RB1CC1: variants seen among roughly 807,000 people sequenced by gnomAD.
The protein encoded by RB1CC1 is RB1-inducible coiled-coil protein 1.
In RB1CC1, 46 loss-of-function variants were observed where a neutral mutation model predicts 177.5. That is an observed-to-expected ratio of 0.26 (90% CI 0.20 to 0.33). RB1CC1 has a LOEUF of 0.33. RB1CC1 is among the 10% of genes least tolerant of loss of function. The probability of loss-of-function intolerance (pLI) is 1.00; values close to 1 mark genes in which losing one functional copy is unlikely to be tolerated. For synonymous variants in RB1CC1, 666 were observed against 613.6 expected, an observed-to-expected ratio of 1.09 and a Z score of -1.26; for missense variants, 1,703 against 1,816.3, an observed-to-expected ratio of 0.94 and a Z score of 1.13.
chr8:52,666,505 C>A (rs546082087), intron 8 of RB1CC1, among the ~76,000 whole-genome samples: 2 of 145,484 alleles, frequency 1.4e-5, no homozygotes, highest in African/African-American at 2.5e-5. Context: ...GCTACAAGAG[C>A]GAAACTTCCT....
intron 13 of RB1CC1, among the ~76,000 whole-genome samples, chr8:52,658,374 C>A (rs995128983): frequency 1.3e-5 from 2 of 151,762 alleles, no homozygotes; most frequent in African/African-American, 4.8e-5. Context: ...GTCAGGAGTT[C>A]GAGACCAGCC....
At chr8:52,662,605 T>A (rs1187764579) in intron 8 of RB1CC1, among the ~76,000 whole-genome samples, 5 of 152,082 alleles carry the variant, frequency 3.3e-5, no homozygotes, top group Admixed American at 1.3e-4. Flanking sequence ...TGTAAATAAA[T>A]CATTATCCTT....
chr8:52,656,157 C>T lies in RB1CC1; in HGVS notation c.3672G>A (p.Glu1224=), dbSNP rs1174230970. The T allele has an allele frequency of 1.9e-6, 3 of 1,613,780 alleles. No individual in the cohort carries two copies. Among genetic ancestry groups the T allele is most frequent in the African/African-American group, 1.3e-5 (1 of 75,028 alleles). ...KDRQKLVSSQ[E]QDREQLIQKL... ...TCTGAATTAACTGTTCTCTGTCTTG[C>T]TCCTGGCTGCTGACCAATTTTTGTC... Residue 1224 remains glutamate (E), a synonymous_variant, in exon 15 of 24, where the codon GAG becomes GAA. Transcript: ENST00000025008.
At chr8:52,647,494 C>T (rs1850160551) in intron 15 of RB1CC1, among the ~76,000 whole-genome samples, 1 of 152,114 alleles carries the variant, frequency 6.6e-6, no homozygotes, top group South Asian at 2.1e-4. Flanking sequence ...TGACATACTA[C>T]ATAAATCAAA....
chr8:52,665,421 A>G (rs1851983119), intron 8 of RB1CC1, among the ~76,000 whole-genome samples: 1 of 152,218 alleles, frequency 6.6e-6, no homozygotes, highest in Admixed American at 6.5e-5. Flanking sequence ...AAATGAACAA[A>G]GACCTTAATC....
At position 52,656,850 on chromosome 8, in the gene RB1CC1, G is replaced by A. The variant is rs745684922; in HGVS notation, c.2979C>T (p.Asp993=). 5.0e-6 allele frequency: 8 copies of A among 1,613,650 alleles called. No homozygotes were observed. Among genetic ancestry groups the A allele is most frequent in the South Asian group, 1.1e-5 (1 of 91,082 alleles). ...LEQSHLKELE[D]TLQVRHIQEF... Reference sequence around the variant, plus strand: ...CTTGTATGTGCCTAACCTGAAGTGTGTCCTCTAATTCCTTTAGATGACTTT... The same window carrying A: ...CTTGTATGTGCCTAACCTGAAGTGTATCCTCTAATTCCTTTAGATGACTTT... Residue 993 remains aspartate, a synonymous_variant, in exon 15 of 24, where the codon GAC becomes GAT. Coordinates refer to ENST00000025008, the MANE Select transcript of RB1CC1 (RefSeq NM_014781.5).
At chr8:52,681,499 A>G (rs1853714696) in intron 5 of RB1CC1, among the ~76,000 whole-genome samples, 1 of 152,212 alleles carries the variant, frequency 6.6e-6, no homozygotes, top group Non-Finnish European at 1.5e-5. Flanking sequence ...CACATCCCGG[A>G]CCATGAAGAA....
At chr8:52,691,839 G>A (rs563823041) in intron 1 of RB1CC1, among the ~76,000 whole-genome samples, 137 of 152,306 alleles carry the variant, frequency 9.0e-4, no homozygotes, top group Non-Finnish European at 1.3e-3. Context: ...GAGGAAATGT[G>A]ACGCTCATTG....
At position 52,649,091 on chromosome 8, in the gene RB1CC1, G is replaced by A. The variant is rs143640783; in HGVS notation, c.3822-3224C>T. Among the ~76,000 whole-genome samples the A allele has an allele frequency of 6.2e-3, 950 of 152,286 alleles. 4 individuals are homozygous for A. Among genetic ancestry groups the A allele is most frequent in the Non-Finnish European group, 0.01 (700 of 68,022 alleles). On this transcript the variant is annotated intron_variant, in intron 15 of 23. Transcript: ENST00000025008. The stretch of plus-strand genomic sequence containing the variant: ...TCATTTAATACTTTCGAACCATGGG[G>A]TAAGTGAAACCATAAGAGCGAAATC...
At chr8:52,659,019 C>A in intron 12 of RB1CC1, 43 bp from the exon 13 acceptor site, 3 of 1,022,556 alleles carry the variant, frequency 2.9e-6, no homozygotes, top group Non-Finnish European at 4.2e-6. Flanking sequence ...TTTTTTCAAC[C>A]AAAAACAGAC....
chr8:52,640,419 GA>G (rs1476468870), intron 18 of RB1CC1, among the ~76,000 whole-genome samples: 1 of 152,100 alleles, frequency 6.6e-6, no homozygotes, highest in Non-Finnish European at 1.5e-5. Flanking sequence ...TGAGGTGATG[GA>G]TTACTCTAAT....
intron 5 of RB1CC1, among the ~76,000 whole-genome samples, chr8:52,681,054 C>T (rs1468890781): frequency 6.9e-6 from 1 of 145,560 alleles, no homozygotes; most frequent in East Asian, 2.1e-4. Flanking sequence ...TGCAGTGGTG[C>T]GATCTTGGCT....
intron 16 of RB1CC1, among the ~76,000 whole-genome samples, chr8:52,644,031 CTATG>C (rs1849797434): frequency 6.6e-6 from 1 of 151,954 alleles, no homozygotes. Context: ...TAAGCCATCT[CTATG>C]TATTTTATTT....
At chr8:52,683,023 T>C (rs1426478979) in intron 5 of RB1CC1, among the ~76,000 whole-genome samples, 1 of 152,158 alleles carries the variant, frequency 6.6e-6, no homozygotes, top group Non-Finnish European at 1.5e-5. Context: ...AAAAGAAAAA[T>C]GTAGCTTACC....
In RB1CC1 at chr8:52,685,436, T is replaced by C; in HGVS notation, c.34A>G (p.Thr12Ala). The C allele has an allele frequency of 6.2e-7, 1 of 1,601,074 alleles. No individual in the cohort carries two copies. Among genetic ancestry groups the C allele is most frequent in the Non-Finnish European group, 8.5e-7 (1 of 1,172,272 alleles). The change falls in exon 3 of 24, where the codon ACT becomes GCT. Residue 12 changes from threonine to alanine, a missense_variant. By Grantham distance (58) the Thr-to-Ala change is moderately conservative. Around this residue, in one of 6 missense-constraint regions of RB1CC1, gnomAD observed 118 missense variants for 121.2 expected, o/e 0.97. Coordinates refer to ENST00000025008, the MANE Select transcript of RB1CC1 (RefSeq NM_014781.5). ...KLYVFLVNTG[T>A]TLTFDTELTV... ...AGTTCAGTGTCAAATGTTAGAGTAG[T>C]TCCAGTGTTAACCAGAAATACATAT...
chr8:52,713,931 C>T (rs1043857619), intron 1 of RB1CC1, 144 bp downstream of exon 1: 5 of 167,424 alleles, frequency 3.0e-5, no homozygotes, highest in Non-Finnish European at 5.2e-5. Context: ...GCGCCGGGGC[C>T]CTCCCGTGCA....
In RB1CC1 at chr8:52,642,611, A is replaced by G. The variant is rs367932530; in HGVS notation, c.4097-20T>C. 1 of 1,608,976 alleles carries G rather than the reference A, an allele frequency of 6.2e-7. No homozygotes were observed. The highest frequency in any genetic ancestry group is 1.3e-5 in the African/African-American group (1 of 74,550). ...TCAAATCTGAAGGACACCCAAATTT[A>G]AAAAAGTATCATGTAATTAAAAAAA... is the stretch of plus-strand genomic sequence containing the variant. On this transcript the variant is annotated intron_variant, in intron 17 of 23. Coordinates refer to ENST00000025008, the MANE Select transcript of RB1CC1 (RefSeq NM_014781.5).
chr8:52,698,814 G>C (rs972094890), intron 1 of RB1CC1, among the ~76,000 whole-genome samples: 1 of 148,424 alleles, frequency 6.7e-6, no homozygotes, highest in Non-Finnish European at 1.5e-5. Flanking sequence ...CCTCAGCCTC[G>C]GAGTAGCTGG....
At position 52,658,110 on chromosome 8, in the gene RB1CC1, C is replaced by T. The variant is rs755672091; in HGVS notation, c.1808G>A (p.Cys603Tyr). The change falls in exon 14 of 24, where the codon TGT (cysteine) becomes TAT (tyrosine). Residue 603 changes from cysteine to tyrosine, a missense_variant. This residue lies in a region of RB1CC1 where 1,169 missense variants were observed against 1,184.7 expected (regional missense o/e 0.99). Transcript: ENST00000025008. Reference sequence around the variant, plus strand: ...ATGCTGGTGTAGAGGTTCAAAGTCACAAAGTAAGGGAACCCTGAAACAGAA... The same window carrying T: ...ATGCTGGTGTAGAGGTTCAAAGTCATAAAGTAAGGGAACCCTGAAACAGAA... ...VQPFLRVPLL[C>Y]DFEPLHQHVL... 1 of 1,612,334 alleles carries T rather than the reference C, an allele frequency of 6.2e-7. No individual in the cohort carries two copies. The highest frequency in any genetic ancestry group is 1.7e-5 in the Admixed American group (1 of 59,654).
Sources: gnomAD v4.1 joint callset for allele counts (sites outside exome capture counted in the v4.1 genomes callset) on GRCh38, gnomAD v4.1.1 for gene constraint, gnomAD v4.1.1 regional missense constraint, MANE v1.5 for transcripts, NCBI Gene and HGNC (gene_info 2026-07-23, HGNC 2026-07-21) for gene names.